The following PLEKHA5 variants were observed in gnomAD, a reference collection of about 807,000 sequenced individuals.
PLEKHA5 encodes pleckstrin homology domain containing A5.
PLEKHA5 carries 55 observed loss-of-function variants against 181.9 expected under a neutral mutation model. The observed-to-expected ratio is 0.30, with a 90% CI of 0.24 to 0.38. The LOEUF is 0.38. Ranked by LOEUF, PLEKHA5 falls within the 10% of genes least tolerant of loss-of-function variation. PLEKHA5 has a pLI of 1.00. For missense variants in PLEKHA5, 1,432 were observed against 1,549.5 expected, an observed-to-expected ratio of 0.92 and a Z score of 1.27; for synonymous variants, 535 against 529.4, an observed-to-expected ratio of 1.01 and a Z score of -0.15.
intron 26 of PLEKHA5, among the ~76,000 whole-genome samples, chr12:19,354,558 G>A (rs369775696): frequency 3.4e-5 from 5 of 145,492 alleles, no homozygotes; most frequent in Non-Finnish European, 1.5e-5. Flanking sequence ...TCAGCTCACT[G>A]CAAACTCTGC....
intron 3 of PLEKHA5, among the ~76,000 whole-genome samples, chr12:19,225,392 T>C (rs574511985): frequency 6.6e-6 from 1 of 152,312 alleles, no homozygotes; most frequent in East Asian, 1.9e-4. Context: ...TTTCTGTCTC[T>C]TTTTTAATTG....
intron 3 of PLEKHA5, among the ~76,000 whole-genome samples, chr12:19,173,232 C>T (rs922649733): frequency 2.0e-5 from 3 of 149,882 alleles, no homozygotes; most frequent in Non-Finnish European, 4.4e-5. Flanking sequence ...ACCTTGTTAG[C>T]CAGGATGGTC....
At chr12:19,183,776 T>C (rs142710501) in intron 3 of PLEKHA5, among the ~76,000 whole-genome samples, 1,564 of 152,284 alleles carry the variant, frequency 0.01, 15 homozygotes, top group African/African-American at 0.031. Flanking sequence ...CACAGTGGCG[T>C]GATCTTGGCT....
chr12:19,375,419 G>A (rs2095692710), intron 31 of PLEKHA5, 112 bp from the exon 32 acceptor site: 1 of 152,220 alleles, frequency 6.6e-6, no homozygotes, highest in Non-Finnish European at 1.5e-5. Context: ...GGATTTTCAT[G>A]GCCATGCTTG....
intron 3 of PLEKHA5, among the ~76,000 whole-genome samples, chr12:19,244,001 C>T (rs180747682): frequency 6.6e-6 from 1 of 152,070 alleles, no homozygotes; most frequent in Non-Finnish European, 1.5e-5. Flanking sequence ...GGACATTTTT[C>T]TCCTTTTTAT....
chr12:19,331,889 G>C (rs1313786079), intron 20 of PLEKHA5, among the ~76,000 whole-genome samples: 1 of 152,078 alleles, frequency 6.6e-6, no homozygotes, highest in Non-Finnish European at 1.5e-5. Flanking sequence ...CCCCAGCATG[G>C]TGGTGTGCAC....
intron 4 of PLEKHA5, among the ~76,000 whole-genome samples, chr12:19,254,558 C>T (rs1015478480): frequency 3.6e-4 from 55 of 152,104 alleles, no homozygotes; most frequent in African/African-American, 1.2e-3. Context: ...CAGTGGCTCA[C>T]GCCTGTAATC....
intron 14 of PLEKHA5, 120 bp downstream of exon 14, chr12:19,290,916 A>AC (rs1408569766): frequency 1.2e-6 from 1 of 811,886 alleles, no homozygotes; most frequent in African/African-American, 1.7e-5. Flanking sequence ...CATTATAGTG[A>AC]CAACATTAGA....
chr12:19,201,941 G>A (rs1354636509), intron 3 of PLEKHA5: 5 of 421,804 alleles, frequency 1.2e-5, no homozygotes, highest in East Asian at 1.6e-4. Flanking sequence ...CTTAACCATA[G>A]GTGGGTTTAA....
At chr12:19,173,621 A>C (rs2046512488) in intron 3 of PLEKHA5, among the ~76,000 whole-genome samples, 1 of 152,162 alleles carries the variant, frequency 6.6e-6, no homozygotes, top group African/African-American at 2.4e-5. Flanking sequence ...AAGATTCTCA[A>C]ATCACTCACT....
chr12:19,290,070 G>A (rs1035359056), intron 13 of PLEKHA5, among the ~76,000 whole-genome samples: 47 of 152,072 alleles, frequency 3.1e-4, no homozygotes, highest in African/African-American at 1.1e-3. Context: ...AGCCTCCCGA[G>A]TAGCTGGGAT....
chr12:19,255,161 G>T lies in PLEKHA5; in HGVS notation c.428G>T (p.Gly143Val). 1 of 1,577,786 alleles carries T rather than the reference G, an allele frequency of 6.3e-7. No homozygotes were observed. Among genetic ancestry groups the T allele is most frequent in the Non-Finnish European group, 8.6e-7 (1 of 1,156,684 alleles). Residue 143 changes from glycine to valine, a missense_variant, in exon 5 of 32, where the codon GGC becomes GTC. Gly to Val is a moderately radical substitution (Grantham distance 109). Transcript: ENST00000429027. ...DYAVHPMSPV[G>V]RTSRASKKVH... is the part of the protein sequence containing the mutation. Reference sequence around the variant, plus strand: ...GCAGTGCATCCAATGAGCCCTGTAGGCAGAGTAAGTTATTTTGCTTTATAT... The same window carrying T: ...GCAGTGCATCCAATGAGCCCTGTAGTCAGAGTAAGTTATTTTGCTTTATAT...
At chr12:19,154,864 C>G (rs970039302) in intron 3 of PLEKHA5, among the ~76,000 whole-genome samples, 1 of 152,182 alleles carries the variant, frequency 6.6e-6, no homozygotes, top group African/African-American at 2.4e-5. Context: ...AAATGACAAG[C>G]TTTGCCCTGA....
At chr12:19,200,503 G>A in intron 3 of PLEKHA5, 1 of 1,357,182 alleles carries the variant, frequency 7.4e-7, no homozygotes, top group Middle Eastern at 2.1e-4. Context: ...CATAACAAAT[G>A]TTCCAAATCT....
intron 3 of PLEKHA5, chr12:19,153,149 T>C (rs1466620553): frequency 6.6e-6 from 1 of 152,180 alleles, no homozygotes; most frequent in Non-Finnish European, 1.5e-5. Context: ...ATTCTAATTT[T>C]TACCACTAAG....
At chr12:19,137,183 C>G (rs1411491724) in intron 3 of PLEKHA5, among the ~76,000 whole-genome samples, 1 of 152,020 alleles carries the variant, frequency 6.6e-6, no homozygotes, top group Non-Finnish European at 1.5e-5. Flanking sequence ...CAGGTGCCCA[C>G]CACCACCACG....
intron 10 of PLEKHA5, among the ~76,000 whole-genome samples, chr12:19,272,740 A>T (rs1050405582): frequency 1.3e-5 from 2 of 152,180 alleles, no homozygotes; most frequent in African/African-American, 4.8e-5. Flanking sequence ...CCTTATCTCA[A>T]ATAATAATGA....
At chr12:19,185,092 C>CTT (rs200690588) in intron 3 of PLEKHA5, among the ~76,000 whole-genome samples, 1 of 145,844 alleles carries the variant, frequency 6.9e-6, no homozygotes. Context: ...TTCTCTATAC[C>CTT]TTTTTTTTTT....
At chr12:19,236,185 G>A (rs924168530) in intron 3 of PLEKHA5, among the ~76,000 whole-genome samples, 3 of 152,134 alleles carry the variant, frequency 2.0e-5, no homozygotes, top group African/African-American at 7.2e-5. Flanking sequence ...TTGAAATGAT[G>A]TTCACCACGA....
Sources: gnomAD v4.1 joint callset for allele counts (sites outside exome capture counted in the v4.1 genomes callset) on GRCh38, gnomAD v4.1.1 for gene constraint, MANE v1.5 for transcripts, NCBI Gene and HGNC (gene_info 2026-07-23, HGNC 2026-07-21) for gene names.